DPP10: variants seen among roughly 807,000 people sequenced by gnomAD.
The protein encoded by DPP10 is inactive dipeptidyl peptidase 10.
Under a neutral mutation model 120.9 loss-of-function variants are expected in DPP10, and 33 were observed. The observed-to-expected ratio is 0.27, with a 90% CI of 0.21 to 0.37. The LOEUF (loss-of-function observed/expected upper bound fraction) is 0.37. Among genes scored for constraint, DPP10 ranks in the 10% least tolerant of loss-of-function variants. The pLI is 1.00. For missense variants in DPP10, 816 were observed against 942.8 expected, an observed-to-expected ratio of 0.87 and a Z score of 1.76; for synonymous variants, 337 against 326.1, an observed-to-expected ratio of 1.03 and a Z score of -0.36.
At chr2:115,358,682 T>C (rs1049504866) in intron 3 of DPP10, among the ~76,000 whole-genome samples, 5 of 152,190 alleles carry the variant, frequency 3.3e-5, no homozygotes, top group African/African-American at 1.2e-4. Context: ...AAGTCTGTTC[T>C]CACGCTGCTA....
chr2:115,525,860 A>C (rs1230731632), intron 4 of DPP10, 38 bp from the exon 5 acceptor site: 1 of 1,489,118 alleles, frequency 6.7e-7, no homozygotes, highest in Admixed American at 2.0e-5. Flanking sequence ...CATGTTAAGA[A>C]GTTTTTAAAT....
intron 1 of DPP10, among the ~76,000 whole-genome samples, chr2:114,770,616 T>C (rs1681162638): frequency 6.6e-6 from 1 of 152,126 alleles, no homozygotes; most frequent in African/African-American, 2.4e-5. Flanking sequence ...AAATAAACAC[T>C]AAAGGAAGAC....
At chr2:115,224,267 T>C (rs1222264542) in intron 1 of DPP10, among the ~76,000 whole-genome samples, 1 of 152,074 alleles carries the variant, frequency 6.6e-6, no homozygotes, top group Non-Finnish European at 1.5e-5. Context: ...GAGTTAACTA[T>C]GTGAAAGTTA....
intron 3 of DPP10, among the ~76,000 whole-genome samples, chr2:115,396,068 A>C (rs995786041): frequency 2.0e-5 from 3 of 152,172 alleles, no homozygotes; most frequent in Admixed American, 2.0e-4. Flanking sequence ...TAGACTGCTC[A>C]AGTTGGCTGG....
intron 1 of DPP10, among the ~76,000 whole-genome samples, chr2:114,830,306 C>T (rs1011796087): frequency 7.9e-5 from 12 of 152,142 alleles, no homozygotes; most frequent in Admixed American, 6.5e-4. Flanking sequence ...TTCAGTCAAC[C>T]TGCTTTGCTT....
intron 19 of DPP10, among the ~76,000 whole-genome samples, chr2:115,800,809 C>A (rs535869078): frequency 2.0e-5 from 3 of 152,202 alleles, no homozygotes; most frequent in South Asian, 2.1e-4. Context: ...TGTTTTGGTA[C>A]GAGTACCATG....
chr2:115,836,612 A>T, intron 23 of DPP10, 47 bp downstream of exon 23: 1 of 1,609,168 alleles, frequency 6.2e-7, no homozygotes, highest in Non-Finnish European at 8.5e-7. Context: ...TTTTGTTCTA[A>T]AAAATTAGTT....
intron 3 of DPP10, among the ~76,000 whole-genome samples, chr2:115,461,396 G>T (rs2073976257): frequency 6.6e-6 from 1 of 152,006 alleles, no homozygotes; most frequent in Non-Finnish European, 1.5e-5. Flanking sequence ...AGTTGATGTT[G>T]GTCAAAAGGT....
intron 4 of DPP10, among the ~76,000 whole-genome samples, chr2:115,511,117 A>G (rs1439499428): frequency 6.6e-6 from 1 of 152,160 alleles, no homozygotes; most frequent in South Asian, 2.1e-4. Context: ...GCCTAATAGA[A>G]TAAGTAGCAA....
At chr2:114,833,535 C>T (rs1283838217) in intron 1 of DPP10, 6 of 152,172 alleles carry the variant, frequency 3.9e-5, no homozygotes, top group Non-Finnish European at 7.3e-5. Context: ...TCCAAACATA[C>T]AGGTGGAACG....
intron 1 of DPP10, among the ~76,000 whole-genome samples, chr2:114,953,793 T>G (rs75030162): frequency 0.016 from 2,372 of 152,256 alleles, 65 homozygotes; most frequent in African/African-American, 0.054. Flanking sequence ...TTTTTAAAAC[T>G]ACTGATTATT....
chr2:114,928,939 C>G (rs940794165), intron 1 of DPP10, among the ~76,000 whole-genome samples: 1 of 152,146 alleles, frequency 6.6e-6, no homozygotes, highest in Admixed American at 6.5e-5. Flanking sequence ...ATCGGGGGAA[C>G]CAGCCCCCAA....
chr2:115,343,699 A>G, intron 2 of DPP10, 118 bp from the exon 3 acceptor site: 1 of 508,494 alleles, frequency 2.0e-6, no homozygotes, highest in Non-Finnish European at 3.4e-6. Flanking sequence ...CAAAATGGTC[A>G]CTTTATATTG....
intron 1 of DPP10, among the ~76,000 whole-genome samples, chr2:114,524,097 A>G (rs1378318245): frequency 1.3e-5 from 2 of 152,208 alleles, no homozygotes; most frequent in Non-Finnish European, 2.9e-5. Context: ...TTGACTATTC[A>G]GTGGGAATAA....
intron 3 of DPP10, among the ~76,000 whole-genome samples, chr2:115,367,876 A>AG (rs1205829132): frequency 6.6e-6 from 1 of 151,678 alleles, no homozygotes; most frequent in Non-Finnish European, 1.5e-5. Context: ...AAGGAAAAAA[A>AG]TACTCATTAT....
rs573722862 is a variant in DPP10, at chr2:115,806,719, C to T, written c.1701-8074C>T. 5.1e-4 allele frequency among the ~76,000 whole-genome samples: 78 copies of T among 152,264 alleles called. 1 individual carries two copies. Among genetic ancestry groups the T allele is most frequent in the African/African-American group, 1.4e-3 (58 of 41,542 alleles). ...TGTCAGCCTCAGTACGTACTCACTA[C>T]ATTCCCATGCTGAATTGCCCTCTCC... On this transcript the variant is annotated intron_variant, in intron 19 of 25. Coordinates refer to ENST00000410059, the MANE Select transcript of DPP10 (RefSeq NM_020868.6).
chr2:114,974,526 TCCTG>T (rs1229371040), intron 1 of DPP10, among the ~76,000 whole-genome samples: 1 of 151,994 alleles, frequency 6.6e-6, no homozygotes, highest in East Asian at 1.9e-4. Flanking sequence ...CAAGCGATTT[TCCTG>T]CCTCAGCCTC....
At chr2:115,815,542 C>A (rs1018458227) in intron 20 of DPP10, 133 bp from the exon 21 acceptor site, 1 of 737,908 alleles carries the variant, frequency 1.4e-6, no homozygotes, top group Non-Finnish European at 2.0e-6. Flanking sequence ...GACCCTAATA[C>A]ATGAACAGAG....
intron 1 of DPP10, among the ~76,000 whole-genome samples, chr2:114,630,784 A>G (rs1440935385): frequency 6.6e-6 from 1 of 150,898 alleles, no homozygotes; most frequent in Non-Finnish European, 1.5e-5. Flanking sequence ...GTTTTAGAAA[A>G]GATTTGTAAG....
Sources: allele counts gnomAD v4.1 joint callset (sites outside exome capture counted in the v4.1 genomes callset), GRCh38; gene constraint gnomAD v4.1.1; transcripts MANE v1.5; gene names NCBI Gene and HGNC (gene_info 2026-07-23, HGNC 2026-07-21).